CMTM8: variants seen among roughly 807,000 people sequenced by gnomAD.
The protein encoded by CMTM8 is CKLF-like MARVEL transmembrane domain-containing protein 8.
Under a neutral mutation model 18.6 loss-of-function variants are expected in CMTM8, and 12 were observed. That is an observed-to-expected ratio of 0.65 (90% CI 0.41 to 1.05). CMTM8 has a LOEUF of 1.05. Among genes scored for constraint, CMTM8 ranks in the 50% least tolerant of loss-of-function variants. The pLI, the probability that CMTM8 is intolerant of heterozygous loss-of-function variation, is 0.00. For synonymous variants in CMTM8, 87 were observed against 90.6 expected, an observed-to-expected ratio of 0.96 and a Z score of 0.23; for missense variants, 217 against 227.2, an observed-to-expected ratio of 0.95 and a Z score of 0.29.
intron 3 of CMTM8, among the ~76,000 whole-genome samples, chr3:32,369,484 A>G (rs1045071471): frequency 1.3e-5 from 2 of 152,056 alleles, no homozygotes; most frequent in Admixed American, 1.3e-4. Context: ...TTCACACCTC[A>G]CATACCATGT....
intron 1 of CMTM8, among the ~76,000 whole-genome samples, chr3:32,350,759 G>A (rs1214211527): frequency 1.3e-5 from 2 of 151,780 alleles, no homozygotes; most frequent in Admixed American, 6.6e-5. Context: ...TCCTGACCTC[G>A]TGATCCAGCC....
chr3:32,340,521 A>G, intron 1 of CMTM8, among the ~76,000 whole-genome samples: 1 of 152,272 alleles, frequency 6.6e-6, no homozygotes, highest in East Asian at 1.9e-4. Context: ...AACAGGTAAC[A>G]AAAACATCAG....
intron 1 of CMTM8, among the ~76,000 whole-genome samples, chr3:32,283,323 T>C (rs1575159019): frequency 1.3e-5 from 2 of 152,204 alleles, no homozygotes; most frequent in East Asian, 1.9e-4. Context: ...TATCATGTTA[T>C]AACGTGTCAT....
At chr3:32,307,943 G>A (rs1357664412) in intron 1 of CMTM8, among the ~76,000 whole-genome samples, 1 of 152,206 alleles carries the variant, frequency 6.6e-6, no homozygotes, top group Non-Finnish European at 1.5e-5. Flanking sequence ...AGGGAAATAA[G>A]TCAGCAAAGG....
rs1426983591 is a variant in CMTM8, at chr3:32,352,508, A to G, written c.148-4865A>G. 2.0e-5 allele frequency among the ~76,000 whole-genome samples: 3 copies of G among 152,190 alleles called. No individual in the cohort carries two copies. The East Asian group carries it at 5.8e-4, about 29-fold the overall frequency. ...TCAACAAGCCCTCCAGGTGATTCTGATGGTCAAATTTGAGAAATCAGAGGA... is the reference window on the plus strand; with the variant it reads ...TCAACAAGCCCTCCAGGTGATTCTGGTGGTCAAATTTGAGAAATCAGAGGA... On this transcript the variant is annotated intron_variant, in intron 1 of 3. Coordinates refer to ENST00000307526, the MANE Select transcript of CMTM8 (RefSeq NM_178868.5).
In CMTM8 at chr3:32,357,401, T is replaced by C. The variant is rs370710238; in HGVS notation, c.176T>C (p.Ile59Thr). 6.2e-7 allele frequency: 1 copy of C among 1,614,124 alleles called. No individual in the cohort carries two copies. Among genetic ancestry groups the C allele is most frequent in the Non-Finnish European group, 8.5e-7 (1 of 1,180,018 alleles). ...CTGGGGCTGCTGGTATGGACGCTTA[T>C]TGCTGGAACTGAGTACTTCCGGGTC... is the stretch of plus-strand genomic sequence containing the variant. ...IVLGLLVWTL[I>T]AGTEYFRVPA... The change falls in exon 2 of 4, where the codon ATT becomes ACT. Residue 59 changes from isoleucine (I) to threonine (T), a missense_variant. Physicochemically the swap from Ile to Thr is moderately conservative, Grantham distance 89. Coordinates refer to ENST00000307526, the MANE Select transcript of CMTM8 (RefSeq NM_178868.5).
intron 1 of CMTM8, among the ~76,000 whole-genome samples, chr3:32,310,724 C>T (rs1427856479): frequency 6.7e-6 from 1 of 148,842 alleles, no homozygotes; most frequent in African/African-American, 2.4e-5. Flanking sequence ...CTAGGAAATA[C>T]TCTGACTTGT....
intron 1 of CMTM8, among the ~76,000 whole-genome samples, chr3:32,334,129 C>T (rs925296267): frequency 8.6e-5 from 13 of 151,820 alleles, no homozygotes; most frequent in Admixed American, 4.6e-4. Context: ...CAGGCACGCA[C>T]CACCATGCCC....
chr3:32,250,081 C>G (rs1340994754), intron 1 of CMTM8, among the ~76,000 whole-genome samples: 1 of 152,180 alleles, frequency 6.6e-6, no homozygotes, highest in Admixed American at 6.5e-5. Flanking sequence ...TAACCTCAAT[C>G]TTTCACATAT....
chr3:32,292,550 C>A (rs560821018), intron 1 of CMTM8, among the ~76,000 whole-genome samples: 1 of 152,314 alleles, frequency 6.6e-6, no homozygotes, highest in Admixed American at 6.5e-5. Flanking sequence ...GCCTTCCTGC[C>A]ATTAACCCTA....
In CMTM8 at chr3:32,296,075, T is replaced by C. The variant is rs190528079; in HGVS notation, c.147+56956T>C. Among the ~76,000 whole-genome samples the C allele has an allele frequency of 1.6e-4, 24 of 152,342 alleles. No homozygotes were observed. The East Asian group carries it at 3.9e-3, about 24-fold the overall frequency. On this transcript the variant is annotated intron_variant, in intron 1 of 3. Transcript: ENST00000307526. ...TGATTTTCCCACCTCTCAGTCTGTG[T>C]TGTGTGCCCCTCCAGCTCTGTGCTC...
intron 1 of CMTM8, chr3:32,259,992 C>A: frequency 9.0e-7 from 1 of 1,112,446 alleles, no homozygotes; most frequent in Non-Finnish European, 1.3e-6. Flanking sequence ...CTGGCACTGA[C>A]CCAGGCAGAG....
At chr3:32,354,510 T>C (rs1696775215) in intron 1 of CMTM8, among the ~76,000 whole-genome samples, 2 of 152,188 alleles carry the variant, frequency 1.3e-5, no homozygotes, top group South Asian at 2.1e-4. Flanking sequence ...AACTAGACAA[T>C]GCAGACCTGG....
At chr3:32,319,074 A>ATATATATATATATAGATTTTTT in intron 1 of CMTM8, among the ~76,000 whole-genome samples, 1 of 31,530 alleles carries the variant, frequency 3.2e-5, no homozygotes, top group Non-Finnish European at 5.1e-5. Context: ...ATATATATAT[A>ATATATATATATATAGATTTTTT]TTTTTTTTTT....
intron 1 of CMTM8, among the ~76,000 whole-genome samples, chr3:32,346,357 T>G (rs1696595478): frequency 6.6e-6 from 1 of 152,236 alleles, no homozygotes. Context: ...GATTCAATTC[T>G]ACATGTTAAC....
At chr3:32,263,340 G>A (rs1003648341) in intron 1 of CMTM8, among the ~76,000 whole-genome samples, 5 of 152,114 alleles carry the variant, frequency 3.3e-5, no homozygotes, top group Admixed American at 1.3e-4. Context: ...CCAGGCAAAC[G>A]GTCTGGAGTG....
intron 1 of CMTM8, among the ~76,000 whole-genome samples, chr3:32,329,156 C>T (rs964079839): frequency 2.6e-5 from 4 of 152,182 alleles, no homozygotes; most frequent in Non-Finnish European, 5.9e-5. Context: ...ACCTCCACTT[C>T]GCAGGTTTAA....
intron 1 of CMTM8, among the ~76,000 whole-genome samples, chr3:32,297,480 TGTACCTAA>T (rs1403562442): frequency 1.1e-3 from 168 of 148,588 alleles, no homozygotes; most frequent in African/African-American, 3.7e-3. Flanking sequence ...GTGCCTGGCC[TGTACCTAA>T]ACTTTTGATG....
rs543175253 is a variant in CMTM8, at chr3:32,292,350, A to G, written c.147+53231A>G. ...ACAGATAAGACAGGGGCCAAGAGAC[A>G]AGGACACTTTGTGAGTTTCTGGAAA... is the stretch of plus-strand genomic sequence containing the variant. On this transcript the variant is annotated intron_variant, in intron 1 of 3. Transcript: ENST00000307526. 4.8e-4 allele frequency among the ~76,000 whole-genome samples: 73 copies of G among 152,270 alleles called. 1 individual carries two copies. Among genetic ancestry groups the G allele is most frequent in the African/African-American group, 1.7e-3 (71 of 41,560 alleles).
Sources: gnomAD v4.1 joint callset for allele counts (sites outside exome capture counted in the v4.1 genomes callset) on GRCh38, gnomAD v4.1.1 for gene constraint, MANE v1.5 for transcripts, NCBI Gene and HGNC (gene_info 2026-07-23, HGNC 2026-07-21) for gene names.